The following CHODL variants were observed in gnomAD, a reference collection of about 807,000 sequenced individuals.
CHODL encodes the protein chondrolectin.
CHODL carries 29 observed loss-of-function variants against 34.5 expected under a neutral mutation model. The observed-to-expected ratio is 0.84, with a 90% CI of 0.63 to 1.15. The LOEUF (loss-of-function observed/expected upper bound fraction) is 1.15, where lower values mean the gene tolerates loss of function less well. CHODL is among the 50% of genes most tolerant of loss of function. The pLI, the probability that CHODL is intolerant of heterozygous loss-of-function variation, is 0.00. For missense variants in CHODL, 332 were observed against 332.5 expected (o/e 1.00, Z 0.01); for synonymous variants, 125 against 116.1 (o/e 1.08, Z -0.49).
At chr21:18,059,493 CTTT>C (rs11316292) in intron 2 of CHODL, among the ~76,000 whole-genome samples, 3 of 142,976 alleles carry the variant, frequency 2.1e-5, no homozygotes, top group East Asian at 2.0e-4. Flanking sequence ...AACTCATGAT[CTTT>C]TTTTTTTTTT....
intron 2 of CHODL, among the ~76,000 whole-genome samples, chr21:18,189,995 AT>A (rs1358594788): frequency 6.6e-6 from 1 of 152,060 alleles, no homozygotes; most frequent in Non-Finnish European, 1.5e-5. Flanking sequence ...TCCAATAATA[AT>A]TTTTTTCTTC....
At chr21:18,210,848 C>G (rs941766248) in intron 2 of CHODL, among the ~76,000 whole-genome samples, 3 of 152,144 alleles carry the variant, frequency 2.0e-5, no homozygotes, top group Non-Finnish European at 2.9e-5. Context: ...TCTATCAAAA[C>G]TCACATTACT....
At chr21:18,119,413 A>G (rs1338494950) in intron 2 of CHODL, among the ~76,000 whole-genome samples, 1 of 152,060 alleles carries the variant, frequency 6.6e-6, no homozygotes, top group African/African-American at 2.4e-5. Flanking sequence ...TTTCTGTGCA[A>G]ACCTCACAAG....
At chr21:18,082,748 T>C (rs773037831) in intron 2 of CHODL, among the ~76,000 whole-genome samples, 1 of 152,176 alleles carries the variant, frequency 6.6e-6, no homozygotes, top group Non-Finnish European at 1.5e-5. Flanking sequence ...ATTTAAGGTA[T>C]CTGGCAGAAG....
chr21:17,926,068 T>C (rs958420971), intron 1 of CHODL, among the ~76,000 whole-genome samples: 4 of 152,238 alleles, frequency 2.6e-5, no homozygotes, highest in Admixed American at 6.5e-5. Context: ...GGTGTAATGA[T>C]TCTTGTCTTT....
upstream of CHODL, among the ~76,000 whole-genome samples, chr21:18,242,441 G>A (rs1336424155): frequency 1.3e-5 from 2 of 150,884 alleles, no homozygotes; most frequent in Non-Finnish European, 3.0e-5. Context: ...GGAAAAAAAA[G>A]GAAGCCAAGA....
rs995036274 is a variant in CHODL at position 18,256,903 on chromosome 21, A to G, written c.390-67A>G. 156 of 1,584,230 alleles carry G rather than the reference A, an allele frequency of 9.8e-5. 3 individuals are homozygous for G. In the South Asian group the frequency reaches 1.7e-3, roughly 17 times the overall value. On this transcript the variant is annotated intron_variant, in intron 2 of 5. Coordinates refer to ENST00000299295, the MANE Select transcript of CHODL (RefSeq NM_024944.3). ...GACTCTGTTACCTGTAGAGGATGTC[A>G]GAGTAGGACAGGCAGAATCATTTAG...
chr21:17,934,908 C>A (rs2067489127), intron 1 of CHODL, among the ~76,000 whole-genome samples: 1 of 152,110 alleles, frequency 6.6e-6, no homozygotes, highest in South Asian at 2.1e-4. Context: ...CAATAGACAC[C>A]TATTTATTGA....
chr21:18,215,245 CTCT>C (rs1309907684), intron 2 of CHODL, among the ~76,000 whole-genome samples: 3 of 151,858 alleles, frequency 2.0e-5, no homozygotes, highest in African/African-American at 7.3e-5. Context: ...TTGGGAACTC[CTCT>C]TCTTTCATTC....
Position 18,026,172 on chromosome 21 carries a change from G to A in CHODL, c.-144-1700G>A, listed in dbSNP as rs559716203. On this transcript the variant is annotated intron_variant, in intron 1 of 6. Transcript: ENST00000400127. ...TGCTGAATGAATAGATAAATGAATC[G>A]GTCAATGGATAAAACCAGTAAGTTG... Among the ~76,000 whole-genome samples, 10 of 152,180 alleles carry A rather than the reference G, an allele frequency of 6.6e-5. No homozygotes were observed. In the South Asian group the frequency reaches 1.5e-3, roughly 22 times the overall value.
At chr21:18,085,198 G>C (rs1195499853) in intron 2 of CHODL, among the ~76,000 whole-genome samples, 4 of 151,614 alleles carry the variant, frequency 2.6e-5, no homozygotes, top group African/African-American at 9.7e-5. Flanking sequence ...TAAATTTCTT[G>C]TAGGCAGCAT....
At chr21:17,953,303 G>A (rs2146343987) in intron 1 of CHODL, among the ~76,000 whole-genome samples, 1 of 152,118 alleles carries the variant, frequency 6.6e-6, no homozygotes, top group South Asian at 2.1e-4. Flanking sequence ...AATTAGCATA[G>A]CTAGAAATTC....
intron 2 of CHODL, among the ~76,000 whole-genome samples, chr21:18,035,165 T>C (rs1013178452): frequency 6.6e-6 from 1 of 152,044 alleles, no homozygotes; most frequent in Non-Finnish European, 1.5e-5. Flanking sequence ...CGTTTCCTTG[T>C]GTAGACCCAT....
At chr21:18,223,184 A>G (rs1342200031) in intron 2 of CHODL, among the ~76,000 whole-genome samples, 3 of 152,172 alleles carry the variant, frequency 2.0e-5, no homozygotes, top group Non-Finnish European at 4.4e-5. Context: ...GAAATTTAGA[A>G]CCAAAGCATT....
At position 18,093,711 on chromosome 21, in the gene CHODL, A is replaced by T. The variant is rs189093915; in HGVS notation, c.-45+65740A>T. ...CAGTATTTGGAAGTCTTGTAGTAACATCAAATTGAAAATCATACAATGGAT... is the reference window on the plus strand; with the variant it reads ...CAGTATTTGGAAGTCTTGTAGTAACTTCAAATTGAAAATCATACAATGGAT... On this transcript the variant is annotated intron_variant, in intron 2 of 6. Transcript: ENST00000400127. 1.9e-4 allele frequency among the ~76,000 whole-genome samples: 29 copies of T among 152,274 alleles called. No individual in the cohort carries two copies. In the East Asian group the frequency reaches 4.0e-3, roughly 21 times the overall value.
chr21:18,196,619 GT>G (rs943804574), intron 2 of CHODL, among the ~76,000 whole-genome samples: 20 of 152,134 alleles, frequency 1.3e-4, no homozygotes, highest in African/African-American at 4.6e-4. Context: ...TCTTCACTCA[GT>G]TTTTGCCCAC....
intron 1 of CHODL, among the ~76,000 whole-genome samples, chr21:18,254,616 G>A (rs1194186110): frequency 2.6e-5 from 4 of 152,158 alleles, no homozygotes; most frequent in Non-Finnish European, 5.9e-5. Context: ...AAGGGTGAGT[G>A]TAGACAATAG....
intron 1 of CHODL, among the ~76,000 whole-genome samples, chr21:18,009,822 A>T (rs1320053460): frequency 1.4e-5 from 2 of 144,476 alleles, no homozygotes; most frequent in African/African-American, 5.4e-5. Flanking sequence ...TGGGAAGCGG[A>T]GCTTGCAGTG....
intron 2 of CHODL, among the ~76,000 whole-genome samples, chr21:18,225,200 A>C (rs899745706): frequency 6.6e-6 from 1 of 152,188 alleles, no homozygotes; most frequent in African/African-American, 2.4e-5. Context: ...GTTATCATGA[A>C]TGTAGTAACC....
Sources: gnomAD v4.1 joint callset for allele counts (sites outside exome capture counted in the v4.1 genomes callset) on GRCh38, gnomAD v4.1.1 for gene constraint, MANE v1.5 for transcripts, NCBI Gene and HGNC (gene_info 2026-07-23, HGNC 2026-07-21) for gene names.